The following SPPL3 variants were observed in gnomAD, a reference collection of about 807,000 sequenced individuals.
The protein encoded by SPPL3 is signal peptide peptidase-like 3.
In SPPL3, 5 loss-of-function variants were observed where a neutral mutation model predicts 42.4. The observed-to-expected ratio is 0.12, with a 90% CI of 0.06 to 0.25. The LOEUF is 0.25. Among genes scored for constraint, SPPL3 ranks in the 10% least tolerant of loss-of-function variants. The pLI, the probability that SPPL3 is intolerant of heterozygous loss-of-function variation, is 1.00. For synonymous variants in SPPL3, 195 were observed against 181.8 expected (o/e 1.07, Z -0.58); for missense variants, 235 against 489.0 (o/e 0.48, Z 4.90).
chr12:120,879,972 T>C (rs1338138227), intron 1 of SPPL3, among the ~76,000 whole-genome samples: 1 of 151,722 alleles, frequency 6.6e-6, no homozygotes. Flanking sequence ...CTCTGTTCCC[T>C]GCTTTTATCT....
chr12:120,812,516 T>C (rs1269760392), intron 1 of SPPL3, among the ~76,000 whole-genome samples: 1 of 152,174 alleles, frequency 6.6e-6, no homozygotes, highest in African/African-American at 2.4e-5. Context: ...GATGTATATA[T>C]ACTGAGAGCT....
chr12:120,881,004 T>A (rs1873261398), intron 1 of SPPL3, among the ~76,000 whole-genome samples: 1 of 151,556 alleles, frequency 6.6e-6, no homozygotes. Flanking sequence ...AAAATCACAA[T>A]GAGATACCAC....
intron 1 of SPPL3, among the ~76,000 whole-genome samples, chr12:120,874,347 G>C (rs1302558325): frequency 2.6e-5 from 4 of 151,384 alleles, no homozygotes; most frequent in Admixed American, 1.3e-4. Context: ...CAGATACTCA[G>C]GAGGCTGAGG....
chr12:120,811,314 G>A (rs1870677211), intron 1 of SPPL3: 1 of 153,558 alleles, frequency 6.5e-6, no homozygotes, highest in East Asian at 1.9e-4. Flanking sequence ...TGCATCTCCT[G>A]AATTCCCCGT....
intron 1 of SPPL3, among the ~76,000 whole-genome samples, chr12:120,850,243 A>G (rs1872177205): frequency 6.6e-6 from 1 of 152,194 alleles, no homozygotes; most frequent in Non-Finnish European, 1.5e-5. Flanking sequence ...CACACATCTT[A>G]GATGTTCCAG....
chr12:120,894,763 T>C lies in SPPL3; in HGVS notation c.23+9082A>G, dbSNP rs138197340. Among the ~76,000 whole-genome samples the C allele has an allele frequency of 2.0e-5, 3 of 151,790 alleles. No homozygotes were observed. In the East Asian group the frequency reaches 5.9e-4, roughly 30 times the overall value. ...GAGTTCAAGACCAGCCTGAGCAATA[T>C]GGAGAAACCCCGTCTCTACTAAAAA... On this transcript the variant is annotated intron_variant, in intron 1 of 10. Coordinates refer to ENST00000353487, the MANE Select transcript of SPPL3 (RefSeq NM_139015.5).
At chr12:120,869,279 C>T (rs1401028824) in intron 1 of SPPL3, among the ~76,000 whole-genome samples, 1 of 152,186 alleles carries the variant, frequency 6.6e-6, no homozygotes, top group African/African-American at 2.4e-5. Context: ...ACCAAAATGG[C>T]AAACTCTTGG....
intron 2 of SPPL3, among the ~76,000 whole-genome samples, chr12:120,800,039 G>C (rs1870236689): frequency 6.6e-6 from 1 of 152,190 alleles, no homozygotes; most frequent in South Asian, 2.1e-4. Flanking sequence ...GTTGGACCTA[G>C]AACAGTTCGC....
At chr12:120,893,431 T>A (rs1873708199) in intron 1 of SPPL3, among the ~76,000 whole-genome samples, 1 of 152,088 alleles carries the variant, frequency 6.6e-6, no homozygotes, top group Non-Finnish European at 1.5e-5. Flanking sequence ...TATACAATTA[T>A]CTCCCTTATT....
At chr12:120,772,642 A>G (rs185657762) in intron 6 of SPPL3, among the ~76,000 whole-genome samples, 58 of 152,346 alleles carry the variant, frequency 3.8e-4, no homozygotes, top group Middle Eastern at 6.8e-3. Flanking sequence ...TAAATTGTCA[A>G]TATATGTAAT....
chr12:120,890,198 G>A lies in SPPL3; in HGVS notation c.23+13647C>T, dbSNP rs1264298987. 3.3e-5 allele frequency among the ~76,000 whole-genome samples: 5 copies of A among 152,180 alleles called. No homozygotes were observed. In the South Asian group the frequency reaches 6.2e-4, roughly 19 times the overall value. On this transcript the variant is annotated intron_variant, in intron 1 of 10. Transcript: ENST00000353487. ...TGGGAGGCAGAGGTTGTGGTGAGCC[G>A]AGATTGCGCCATAGCACTCCAGCCT...
chr12:120,847,858 G>A (rs1307780575), intron 1 of SPPL3, among the ~76,000 whole-genome samples: 1 of 152,146 alleles, frequency 6.6e-6, no homozygotes, highest in African/African-American at 2.4e-5. Context: ...ATCACCCTGG[G>A]TGTGTCCCCT....
chr12:120,898,710 T>C (rs1350468129), intron 1 of SPPL3, among the ~76,000 whole-genome samples: 1 of 152,160 alleles, frequency 6.6e-6, no homozygotes, highest in Non-Finnish European at 1.5e-5. Context: ...AGATTCAGTG[T>C]CAGAATTTGT....
intron 1 of SPPL3, among the ~76,000 whole-genome samples, chr12:120,816,318 T>C (rs1815376454): frequency 6.6e-6 from 1 of 152,246 alleles, no homozygotes; most frequent in African/African-American, 2.4e-5. Context: ...AATAAACCTA[T>C]ACAAGAAAAT....
intron 2 of SPPL3, among the ~76,000 whole-genome samples, chr12:120,798,191 G>C (rs763115714): frequency 6.6e-6 from 1 of 152,028 alleles, no homozygotes; most frequent in Non-Finnish European, 1.5e-5. Flanking sequence ...TCTGAAATAT[G>C]GTCAGGTGTC....
chr12:120,827,274 T>A (rs1871254520), intron 1 of SPPL3, among the ~76,000 whole-genome samples: 2 of 150,932 alleles, frequency 1.3e-5, no homozygotes, highest in Admixed American at 1.3e-4. Context: ...AGACAAAACT[T>A]ATTTGAAAGG....
chr12:120,833,145 T>G (rs747028921), intron 1 of SPPL3, among the ~76,000 whole-genome samples: 5 of 152,108 alleles, frequency 3.3e-5, no homozygotes, highest in Admixed American at 6.5e-5. Context: ...GAATTATTCT[T>G]GAAGAATAAG....
At chr12:120,844,730 C>T (rs1224729382) in intron 1 of SPPL3, among the ~76,000 whole-genome samples, 1 of 151,662 alleles carries the variant, frequency 6.6e-6, no homozygotes, top group African/African-American at 2.4e-5. Flanking sequence ...AAACCAACCA[C>T]CAAAATGGAT....
At chr12:120,899,050 A>C (rs1000695617) in intron 1 of SPPL3, among the ~76,000 whole-genome samples, 4 of 152,234 alleles carry the variant, frequency 2.6e-5, no homozygotes, top group Admixed American at 1.3e-4. Context: ...TACAGGAAGA[A>C]AGGTGTTTTT....
Sources: allele counts gnomAD v4.1 joint callset (sites outside exome capture counted in the v4.1 genomes callset), GRCh38; gene constraint gnomAD v4.1.1; transcripts MANE v1.5; gene names NCBI Gene and HGNC (gene_info 2026-07-23, HGNC 2026-07-21).